The following ITPK1 variants were observed in gnomAD, a reference collection of about 807,000 sequenced individuals.
ITPK1 encodes the protein inositol-tetrakisphosphate 1-kinase.
A neutral mutation model predicts 45.3 loss-of-function variants in ITPK1; 21 were observed. The ratio of observed to expected loss-of-function variants is 0.46; its 90% CI spans 0.33 to 0.67. The LOEUF (loss-of-function observed/expected upper bound fraction) is 0.67, where lower values mean the gene tolerates loss of function less well. ITPK1 is among the 30% of genes least tolerant of loss of function. ITPK1 has a pLI of 0.02. For synonymous variants in ITPK1, 258 were observed against 253.6 expected (o/e 1.02, Z -0.16); for missense variants, 474 against 573.5 (o/e 0.83, Z 1.77).
At chr14:92,991,510 G>C (rs961576697) in intron 5 of ITPK1, among the ~76,000 whole-genome samples, 1 of 152,084 alleles carries the variant, frequency 6.6e-6, no homozygotes, top group Non-Finnish European at 1.5e-5. Flanking sequence ...CCCTCTCCTG[G>C]AACACCCACA....
Position 92,941,330 on chromosome 14 carries a change from A to G in ITPK1, c.*231T>C. 1.4e-6 allele frequency: 2 copies of G among 1,410,928 alleles called. No homozygotes were observed. The highest frequency in any genetic ancestry group is 1.8e-6 in the Non-Finnish European group (2 of 1,089,970). The allele number at this position is 1,410,928 out of a possible 1,614,324, so 87.4% of individuals were successfully genotyped here. On this transcript the variant is annotated 3_prime_UTR_variant, in exon 11 of 11. Coordinates refer to ENST00000267615, the MANE Select transcript of ITPK1 (RefSeq NM_014216.6). Reference sequence around the variant, plus strand: ...GTAAACTCAGTTAGGAGGTCTGCACAGTAGAGAGCAGGCGGACGGCCCCAC... The same window carrying G: ...GTAAACTCAGTTAGGAGGTCTGCACGGTAGAGAGCAGGCGGACGGCCCCAC...
At chr14:92,989,246 A>G (rs1307235663) in intron 5 of ITPK1, among the ~76,000 whole-genome samples, 1 of 152,190 alleles carries the variant, frequency 6.6e-6, no homozygotes, top group Admixed American at 6.5e-5. Context: ...AGAAGCATTC[A>G]ATCTGCGGTA....
At chr14:93,021,058 CTATTCT>C (rs1888438638) in intron 3 of ITPK1, among the ~76,000 whole-genome samples, 1 of 152,060 alleles carries the variant, frequency 6.6e-6, no homozygotes, top group Non-Finnish European at 1.5e-5. Context: ...CCTATACTTA[CTATTCT>C]TATTATTACT....
At chr14:93,033,352 A>C (rs990612670) in intron 3 of ITPK1, among the ~76,000 whole-genome samples, 2 of 152,188 alleles carry the variant, frequency 1.3e-5, no homozygotes, top group Non-Finnish European at 2.9e-5. Flanking sequence ...GAGAATAAGA[A>C]AAGCTGGATC....
chr14:93,045,211 C>T (rs990853402), intron 3 of ITPK1, among the ~76,000 whole-genome samples: 2 of 152,352 alleles, frequency 1.3e-5, no homozygotes, highest in African/African-American at 2.4e-5. Context: ...AGGCCAGTTA[C>T]CCCTCTGGGC....
At chr14:93,049,549 T>C (rs1889920572) in intron 3 of ITPK1, among the ~76,000 whole-genome samples, 1 of 152,082 alleles carries the variant, frequency 6.6e-6, no homozygotes, top group Admixed American at 6.6e-5. Flanking sequence ...CTCCAGGGCT[T>C]AGACTTTAAC....
chr14:92,960,951 C>T (rs1471890594), intron 7 of ITPK1, among the ~76,000 whole-genome samples: 5 of 152,200 alleles, frequency 3.3e-5, no homozygotes, highest in East Asian at 1.9e-4. Context: ...AACGGGACGG[C>T]GGGCTGTCTC....
chr14:92,970,507 C>G (rs1433684595), intron 5 of ITPK1, among the ~76,000 whole-genome samples: 1 of 152,246 alleles, frequency 6.6e-6, no homozygotes, highest in Non-Finnish European at 1.5e-5. Flanking sequence ...AGTCCTGCTT[C>G]CTGGGCCACT....
intron 3 of ITPK1, among the ~76,000 whole-genome samples, chr14:93,051,820 C>G (rs1012266287): frequency 6.6e-6 from 1 of 152,226 alleles, no homozygotes; most frequent in South Asian, 2.1e-4. Context: ...TGGGCGGAAG[C>G]CCTTCCATTG....
intron 4 of ITPK1, among the ~76,000 whole-genome samples, chr14:93,005,144 G>A (rs577374176): frequency 6.6e-6 from 1 of 152,140 alleles, no homozygotes; most frequent in Non-Finnish European, 1.5e-5. Flanking sequence ...TGGAGCTGGG[G>A]ATGGATGCGG....
chr14:93,051,202 C>T (rs546473522), intron 3 of ITPK1, among the ~76,000 whole-genome samples: 1 of 152,316 alleles, frequency 6.6e-6, no homozygotes, highest in South Asian at 2.1e-4. Flanking sequence ...ATTTCCCAGG[C>T]ATGGGGGAGC....
chr14:92,992,047 C>CCAGA lies in ITPK1; in HGVS notation c.364+1829_364+1832dup, dbSNP rs1886816903. 2.0e-5 allele frequency among the ~76,000 whole-genome samples: 3 copies of CCAGA among 152,196 alleles called. No homozygotes were observed. In the South Asian group the frequency reaches 6.2e-4, roughly 32 times the overall value. Reference sequence around the variant, plus strand: ...CCGAGACCACGTGGCTAACAAGAGCCCAGACAGGAACCCACATGCCAGAGC... The same window carrying CCAGA: ...CCGAGACCACGTGGCTAACAAGAGCCCAGACAGACAGGAACCCACATGCCAGAGC... On this transcript the variant is annotated intron_variant, in intron 5 of 10. Coordinates refer to ENST00000267615, the MANE Select transcript of ITPK1 (RefSeq NM_014216.6).
At chr14:92,961,023 C>G (rs185875778) in intron 7 of ITPK1, among the ~76,000 whole-genome samples, 2 of 152,262 alleles carry the variant, frequency 1.3e-5, no homozygotes, top group Non-Finnish European at 2.9e-5. Flanking sequence ...GATACTTCCC[C>G]GGAAGTGCAG....
At chr14:93,097,640 C>T (rs756405782) in intron 2 of ITPK1, among the ~76,000 whole-genome samples, 16 of 152,172 alleles carry the variant, frequency 1.1e-4, no homozygotes, top group East Asian at 9.6e-4. Context: ...CTACACGTAA[C>T]GGAATCAGAA....
intron 2 of ITPK1, among the ~76,000 whole-genome samples, chr14:93,114,660 C>T (rs1334735578): frequency 1.3e-5 from 2 of 152,156 alleles, no homozygotes; most frequent in African/African-American, 4.8e-5. Context: ...ACGTGGGTGC[C>T]CTTTCTTCAT....
intron 3 of ITPK1, among the ~76,000 whole-genome samples, chr14:93,019,343 C>A (rs1255593441): frequency 6.6e-6 from 1 of 152,226 alleles, no homozygotes; most frequent in Non-Finnish European, 1.5e-5. Flanking sequence ...TGGTGTCCTC[C>A]CCTGGCATCA....
intron 3 of ITPK1, among the ~76,000 whole-genome samples, chr14:93,053,491 C>T (rs1890103097): frequency 6.6e-6 from 1 of 152,214 alleles, no homozygotes; most frequent in Non-Finnish European, 1.5e-5. Context: ...TTTAGAAGTG[C>T]TTTAAAAAGA....
intron 2 of ITPK1, among the ~76,000 whole-genome samples, chr14:93,088,336 G>GTTTTTTTTTTTTTT (rs764902793): frequency 7.9e-6 from 1 of 126,632 alleles, no homozygotes. Context: ...TTTTGGTTTT[G>GTTTTTTTTTTTTTT]TTTTGTTTTT....
At chr14:93,013,386 C>G (rs1014697317) in intron 4 of ITPK1, among the ~76,000 whole-genome samples, 9 of 152,234 alleles carry the variant, frequency 5.9e-5, no homozygotes, top group Admixed American at 2.0e-4. Context: ...CTCTGGCCCA[C>G]AGCCTCCACC....
Sources: allele counts gnomAD v4.1 joint callset (sites outside exome capture counted in the v4.1 genomes callset), GRCh38; gene constraint gnomAD v4.1.1; transcripts MANE v1.5; gene names NCBI Gene and HGNC (gene_info 2026-07-23, HGNC 2026-07-21).